The following USP44 variants were observed in gnomAD, a reference collection of about 807,000 sequenced individuals.
USP44 encodes the protein ubiquitin carboxyl-terminal hydrolase 44.
In USP44, 61 loss-of-function variants were observed where a neutral mutation model predicts 69.0. The observed-to-expected ratio is 0.88, with a 90% CI of 0.72 to 1.09. The LOEUF (loss-of-function observed/expected upper bound fraction) is 1.09, where lower values mean the gene tolerates loss of function less well. Ranked by LOEUF, USP44 falls within the 50% of genes least tolerant of loss-of-function variation. The pLI, the probability that USP44 is intolerant of heterozygous loss-of-function variation, is 0.00. For missense variants in USP44, 753 were observed against 849.9 expected (o/e 0.89, Z 1.42); for synonymous variants, 297 against 295.4 (o/e 1.01, Z -0.06).
At chr12:95,518,896 G>A (rs922779765) in intron 5 of USP44, among the ~76,000 whole-genome samples, 7 of 151,760 alleles carry the variant, frequency 4.6e-5, no homozygotes, top group Admixed American at 3.9e-4. Flanking sequence ...CAAGGATGGC[G>A]CAGCTTGCCC....
intron 5 of USP44, among the ~76,000 whole-genome samples, chr12:95,520,482 A>G (rs921072720): frequency 6.6e-5 from 10 of 151,784 alleles, no homozygotes; most frequent in Non-Finnish European, 1.3e-4. Flanking sequence ...ACAGAGCGAG[A>G]CTCCATCTCA....
chr12:95,517,138 A>T lies in USP44; in HGVS notation c.*1016T>A, dbSNP rs2076498994. On this transcript the variant is annotated 3_prime_UTR_variant, in exon 6 of 6. Transcript: ENST00000258499. ...TAATGCTCAGGGCCAGTGTTTTAAGAGGCTCCTACCTAGTAGTCACATAAT... is the reference window on the plus strand; with the variant it reads ...TAATGCTCAGGGCCAGTGTTTTAAGTGGCTCCTACCTAGTAGTCACATAAT... 1 of 148,920 alleles carries T rather than the reference A, an allele frequency of 6.7e-6. No individual in the cohort carries two copies. The highest frequency in any genetic ancestry group is 2.5e-5 in the African/African-American group (1 of 40,092). 9.2% of individuals were successfully genotyped at this position (148,920 alleles called of 1,614,324 possible).
intron 2 of USP44, among the ~76,000 whole-genome samples, chr12:95,531,094 G>A (rs1011900786): frequency 1.2e-4 from 19 of 152,176 alleles, no homozygotes; most frequent in African/African-American, 4.6e-4. Context: ...AACCCAGCAG[G>A]TGGAGCTTGC....
chr12:95,530,686 G>GATAA (rs2076990916), intron 2 of USP44, among the ~76,000 whole-genome samples: 1 of 146,584 alleles, frequency 6.8e-6, no homozygotes, highest in Non-Finnish European at 1.5e-5. Context: ...TAGATAGATA[G>GATAA]ATAGATATAA....
chr12:95,526,221 A>C (rs538384486), intron 3 of USP44, among the ~76,000 whole-genome samples: 1 of 152,350 alleles, frequency 6.6e-6, no homozygotes, highest in Non-Finnish European at 1.5e-5. Flanking sequence ...CACCACATTT[A>C]TGTCCAAGAA....
chr12:95,532,782 C>T (rs369272156), intron 2 of USP44, 47 bp downstream of exon 2: 7 of 1,494,298 alleles, frequency 4.7e-6, no homozygotes, highest in South Asian at 1.4e-5. Flanking sequence ...ATAGGCTACA[C>T]TTTATGAACT....
chr12:95,527,529 G>T (rs1032701646), intron 3 of USP44, among the ~76,000 whole-genome samples: 1 of 152,108 alleles, frequency 6.6e-6, no homozygotes, highest in Admixed American at 6.6e-5. Flanking sequence ...CTGTCATCCA[G>T]GAAGGAGTGC....
Position 95,548,727 on chromosome 12 carries a change from C to T in USP44, c.-71+2545G>A, listed in dbSNP as rs2077660318. 1 of 151,162 alleles carries T rather than the reference C, an allele frequency of 6.6e-6. No individual in the cohort carries two copies. Among genetic ancestry groups the T allele is most frequent in the African/African-American group, 2.5e-5 (1 of 40,784 alleles). The allele number at this position is 151,162 out of a possible 1,614,324, so 9.4% of individuals were successfully genotyped here. A position where few individuals can be genotyped will look rare whatever the true frequency, so the allele number is the denominator to read the frequency against. On this transcript the variant is annotated intron_variant, in intron 1 of 5. Transcript: ENST00000258499. The surrounding 1 kb of genome is among the most constrained non-coding windows in gnomAD (Gnocchi z 4.1). ...GCACGTCCGCTCCCGCAGGGGTCCT[C>T]ACTCCGCCAATCGCCGCGGCCGCGC...
intron 2 of USP44, among the ~76,000 whole-genome samples, 200 bp from the exon 3 acceptor site, chr12:95,529,202 T>G (rs562405064): frequency 3.9e-4 from 60 of 152,320 alleles, no homozygotes; most frequent in South Asian, 2.1e-3. Context: ...AGAGCCATCA[T>G]GAATTGGTTG....
rs1432487036 is a variant in USP44 at position 95,517,481 on chromosome 12, C to A, written c.*673G>T. ...GCTGCCAGACAAAAATCATAAATCC[C>A]AGCCATCATTTTTTTCATGTCCATA... On this transcript the variant is annotated 3_prime_UTR_variant, in exon 6 of 6. Coordinates refer to ENST00000258499, the MANE Select transcript of USP44 (RefSeq NM_032147.5). 7.1e-6 allele frequency: 1 copy of A among 141,650 alleles called. No individual in the cohort carries two copies. Among genetic ancestry groups the A allele is most frequent in the Admixed American group, 6.8e-5 (1 of 14,710 alleles). The allele number at this position is 141,650 out of a possible 1,614,324, so 8.8% of individuals were successfully genotyped here. A position where few individuals can be genotyped will look rare whatever the true frequency, so the allele number is the denominator to read the frequency against.
At chr12:95,546,707 T>C (rs1198323696) in intron 1 of USP44, 2 of 152,184 alleles carry the variant, frequency 1.3e-5, no homozygotes, top group African/African-American at 4.8e-5. Context: ...AGCACGTGTT[T>C]GTTTTTTTGT....
At chr12:95,523,395 A>T (rs1447366073) in intron 4 of USP44, among the ~76,000 whole-genome samples, 1 of 152,190 alleles carries the variant, frequency 6.6e-6, no homozygotes, top group Non-Finnish European at 1.5e-5. Context: ...CCAGGTAGAC[A>T]GTGTCAGAAC....
rs186810032 is a variant in USP44 at position 95,549,274 on chromosome 12, C to A, written c.-71+1998G>T. 7.2e-5 allele frequency among the ~76,000 whole-genome samples: 11 copies of A among 152,310 alleles called. No individual in the cohort carries two copies. The East Asian group carries it at 2.1e-3, about 29-fold the overall frequency. ...AGAAAACGTTTCCTTCTTGAAGCGA[C>A]CCCTGGGTGTAACTTCAGTGGCGAT... is the stretch of plus-strand genomic sequence containing the variant. On this transcript the variant is annotated intron_variant, in intron 1 of 5. Transcript: ENST00000258499.
rs2077537841 is a variant in USP44, at chr12:95,545,400, CA to C, written c.-71+5871del. On this transcript the variant is annotated intron_variant, in intron 1 of 5. Transcript: ENST00000258499. Reference sequence around the variant, plus strand: ...CATTTTTCTTTAAACAGTAACAAACCAAACAGATCCTCTACAGGCTATTAAA... The same window carrying C: ...CATTTTTCTTTAAACAGTAACAAACCAACAGATCCTCTACAGGCTATTAAA... Among the ~76,000 whole-genome samples the C allele has an allele frequency of 2.6e-5, 4 of 151,906 alleles. No individual in the cohort carries two copies. In the South Asian group the frequency reaches 8.3e-4, roughly 32 times the overall value.
At chr12:95,546,671 C>T (rs1479295382) in intron 1 of USP44, 2 of 152,234 alleles carry the variant, frequency 1.3e-5, no homozygotes, top group African/African-American at 4.8e-5. Context: ...TTCTGCCTAA[C>T]ACTGCAGGAA....
At chr12:95,544,271 G>T (rs1405445052) in intron 1 of USP44, among the ~76,000 whole-genome samples, 2 of 151,682 alleles carry the variant, frequency 1.3e-5, no homozygotes, top group African/African-American at 4.8e-5. Flanking sequence ...TAGCCAGGAT[G>T]GTCTCGATCT....
In USP44 at chr12:95,548,635, G is replaced by A. The variant is rs1447677263; in HGVS notation, c.-71+2637C>T. On this transcript the variant is annotated intron_variant, in intron 1 of 5. Coordinates refer to ENST00000258499, the MANE Select transcript of USP44 (RefSeq NM_032147.5). The surrounding 1 kb of genome is among the most constrained non-coding windows in gnomAD (Gnocchi z 4.1). ...CAGCCCCAGGCTCTCCCTCTCTCAG[G>A]ACCCCCCAGCGCCCTGCGCGGCGAG... 2 of 152,408 alleles carry A rather than the reference G, an allele frequency of 1.3e-5. No individual in the cohort carries two copies. The allele number at this position is 152,408 out of a possible 1,614,324, so 9.4% of individuals were successfully genotyped here. A position where few individuals can be genotyped will look rare whatever the true frequency, so the allele number is the denominator to read the frequency against.
intron 1 of USP44, among the ~76,000 whole-genome samples, chr12:95,543,521 T>A (rs1403623366): frequency 6.6e-6 from 1 of 151,548 alleles, no homozygotes; most frequent in Non-Finnish European, 1.5e-5. Context: ...ACAAGAAGGA[T>A]GTTTTTCCAG....
At chr12:95,524,612 C>G in intron 4 of USP44, 68 bp downstream of exon 4, 1 of 1,186,174 alleles carries the variant, frequency 8.4e-7, no homozygotes, top group Non-Finnish European at 1.2e-6. Flanking sequence ...TTATAACATG[C>G]ATTCTTTAAG....
Sources: gnomAD v4.1 joint callset for allele counts (sites outside exome capture counted in the v4.1 genomes callset) on GRCh38, gnomAD v4.1.1 for gene constraint, Gnocchi (gnomAD v3.1) non-coding constraint, MANE v1.5 for transcripts, NCBI Gene and HGNC (gene_info 2026-07-23, HGNC 2026-07-21) for gene names.